Variants in GYPE observed in about 807,000 individuals in gnomAD.
GYPE encodes the protein glycophorin-E.
In GYPE, 8 loss-of-function variants were observed where a neutral mutation model predicts 11.6. The ratio of observed to expected loss-of-function variants is 0.69; its 90% CI spans 0.41 to 1.25. GYPE has a LOEUF of 1.25. GYPE is among the 50% of genes most tolerant of loss of function. The pLI, the probability that GYPE is intolerant of heterozygous loss-of-function variation, is 0.01. For synonymous variants in GYPE, 28 were observed against 29.6 expected (o/e 0.94, Z 0.18); for missense variants, 90 against 92.8 (o/e 0.97, Z 0.12).
rs1310370237 is a variant in GYPE at position 143,870,901 on chromosome 4, G to T, written c.*1361C>A. Reference sequence around the variant, plus strand: ...AGGAAAGAGGTTTTATTGATCTACAGTTTTGCATGGCTGGGAAGGTCTCAG... The same window carrying T: ...AGGAAAGAGGTTTTATTGATCTACATTTTTGCATGGCTGGGAAGGTCTCAG... On this transcript the variant is annotated 3_prime_UTR_variant, in exon 4 of 4. Transcript: ENST00000358615. 2.6e-5 allele frequency: 4 copies of T among 152,156 alleles called. No individual in the cohort carries two copies. Among genetic ancestry groups the T allele is most frequent in the African/African-American group, 9.7e-5 (4 of 41,412 alleles). The allele number at this position is 152,156 out of a possible 1,614,324, so 9.4% of individuals were successfully genotyped here.
At chr4:143,875,672 T>G (rs1743769944) in intron 3 of GYPE, among the ~76,000 whole-genome samples, 3 of 152,082 alleles carry the variant, frequency 2.0e-5, no homozygotes. Flanking sequence ...TTTGGCTTTA[T>G]AAAAACCCTA....
intron 1 of GYPE, among the ~76,000 whole-genome samples, chr4:143,887,850 A>G (rs1239770504): frequency 1.4e-5 from 2 of 144,694 alleles, no homozygotes; most frequent in African/African-American, 5.2e-5. Context: ...GGCATTTGCT[A>G]TGGTACTTAG....
At chr4:143,901,711 G>C (rs931973551) in intron 1 of GYPE, among the ~76,000 whole-genome samples, 1 of 151,862 alleles carries the variant, frequency 6.6e-6, no homozygotes, top group African/African-American at 2.4e-5. Flanking sequence ...GATAACTTGG[G>C]GGAAATTCCT....
chr4:143,900,622 T>C (rs1744825478), intron 1 of GYPE, among the ~76,000 whole-genome samples: 1 of 150,966 alleles, frequency 6.6e-6, no homozygotes, highest in South Asian at 2.1e-4. Context: ...CAAAATGTGA[T>C]ATACCAACAC....
chr4:143,883,181 A>ACTCTCT (rs1744103828), intron 1 of GYPE, among the ~76,000 whole-genome samples: 1 of 151,198 alleles, frequency 6.6e-6, no homozygotes. Flanking sequence ...GCACCTCCCC[A>ACTCTCT]CTCTCTCTTG....
intron 2 of GYPE, among the ~76,000 whole-genome samples, 180 bp downstream of exon 2, chr4:143,880,231 A>G (rs1326742991): frequency 1.3e-5 from 2 of 152,150 alleles, no homozygotes; most frequent in East Asian, 3.8e-4. Context: ...TTTCTGTGAG[A>G]TATTTCAGAG....
chr4:143,875,739 C>A (rs1347591016), intron 3 of GYPE, among the ~76,000 whole-genome samples: 1 of 152,038 alleles, frequency 6.6e-6, no homozygotes, highest in African/African-American at 2.4e-5. Context: ...GAGGCCAAGG[C>A]AGGTGGATCA....
At chr4:143,872,811 G>A (rs1743662270) in intron 3 of GYPE, among the ~76,000 whole-genome samples, 1 of 152,084 alleles carries the variant, frequency 6.6e-6, no homozygotes. Context: ...GAAAGAGCAA[G>A]CTTAGTAAGT....
At chr4:143,875,700 T>C (rs189174618) in intron 3 of GYPE, among the ~76,000 whole-genome samples, 1 of 152,144 alleles carries the variant, frequency 6.6e-6, no homozygotes, top group Non-Finnish European at 1.5e-5. Flanking sequence ...CCAGGCGCAG[T>C]GGCTCACATC....
rs1191013440 is a variant in GYPE at position 143,872,187 on chromosome 4, A to G, written c.*75T>C. 2.0e-5 allele frequency: 3 copies of G among 152,588 alleles called. No individual in the cohort carries two copies. Among genetic ancestry groups the G allele is most frequent in the African/African-American group, 7.2e-5 (3 of 41,432 alleles). 9.5% of individuals were successfully genotyped at this position (152,588 alleles called of 1,614,324 possible). On this transcript the variant is annotated 3_prime_UTR_variant, in exon 4 of 4. Transcript: ENST00000358615. ...TCAGGCACACAATTACACCATGAAC[A>G]GTGAAGTAAAAAAATGTCCTTTCTT...
intron 1 of GYPE, among the ~76,000 whole-genome samples, chr4:143,889,741 G>A (rs1180698687): frequency 6.6e-6 from 1 of 152,098 alleles, no homozygotes; most frequent in East Asian, 1.9e-4. Context: ...AATAATATTT[G>A]TAGTTAACAC....
intron 2 of GYPE, among the ~76,000 whole-genome samples, chr4:143,879,363 G>A (rs941801168): frequency 6.6e-6 from 1 of 152,128 alleles, no homozygotes; most frequent in South Asian, 2.1e-4. Flanking sequence ...TATATACTAC[G>A]TTGTTTGATG....
intron 1 of GYPE, among the ~76,000 whole-genome samples, chr4:143,900,216 C>T (rs4582110): frequency 0.93 from 125,603 of 134,406 alleles, 59,475 homozygotes; most frequent in East Asian, 1. Flanking sequence ...CATGAGTTAT[C>T]AGGAAAATGC....
chr4:143,879,081 G>C (rs1307027886), intron 2 of GYPE, among the ~76,000 whole-genome samples: 1 of 152,148 alleles, frequency 6.6e-6, no homozygotes, highest in Non-Finnish European at 1.5e-5. Flanking sequence ...GAGGGATCAT[G>C]CGGCCATCAA....
At chr4:143,874,679 A>T (rs1743731124) in intron 3 of GYPE, among the ~76,000 whole-genome samples, 1 of 152,206 alleles carries the variant, frequency 6.6e-6, no homozygotes, top group Non-Finnish European at 1.5e-5. Context: ...GTGTACTCGA[A>T]GAGGAAACGT....
At chr4:143,892,906 G>A (rs1236945364) in intron 1 of GYPE, among the ~76,000 whole-genome samples, 1 of 150,598 alleles carries the variant, frequency 6.6e-6, no homozygotes, top group African/African-American at 2.4e-5. Context: ...TGTTGACAGT[G>A]GGGTGTTAAA....
At chr4:143,903,535 AAAAAAAAG>A (rs1318570252) in intron 1 of GYPE, among the ~76,000 whole-genome samples, 4 of 149,366 alleles carry the variant, frequency 2.7e-5, no homozygotes, top group East Asian at 1.9e-4. Context: ...AAAAAAAAAA[AAAAAAAAG>A]AAAAAAAAAG....
chr4:143,875,208 T>C, intron 3 of GYPE: 1 of 344,064 alleles, frequency 2.9e-6, no homozygotes. Flanking sequence ...TGTTCTCTGC[T>C]GTTGGCTTTG....
intron 1 of GYPE, among the ~76,000 whole-genome samples, chr4:143,895,640 G>T (rs981281365): frequency 1.5e-4 from 21 of 143,080 alleles, no homozygotes; most frequent in African/African-American, 5.1e-4. Flanking sequence ...TTTCTTCACA[G>T]AATTTGAAAA....
Sources: gnomAD v4.1 joint callset for allele counts (sites outside exome capture counted in the v4.1 genomes callset) on GRCh38, gnomAD v4.1.1 for gene constraint, MANE v1.5 for transcripts, NCBI Gene and HGNC (gene_info 2026-07-23, HGNC 2026-07-21) for gene names.